Variants in ADAM23 observed in about 807,000 individuals in gnomAD.
ADAM23 encodes the protein ADAM metallopeptidase domain 23, also known as disintegrin and metalloproteinase domain-containing protein 23.
In ADAM23, 33 loss-of-function variants were observed where a neutral mutation model predicts 120.1. That is an observed-to-expected ratio of 0.27 (90% CI 0.21 to 0.37). The LOEUF (loss-of-function observed/expected upper bound fraction) is 0.37. ADAM23 is among the 10% of genes least tolerant of loss of function. The pLI is 1.00. For synonymous variants in ADAM23, 367 were observed against 375.2 expected (o/e 0.98, Z 0.25); for missense variants, 862 against 1,058.2 (o/e 0.81, Z 2.57).
chr2:206,477,897 A>AATATATATATATATATATATATATATAT (rs71034457), intron 2 of ADAM23, among the ~76,000 whole-genome samples: 7 of 93,562 alleles, frequency 7.5e-5, no homozygotes, highest in African/African-American at 1.5e-4. Flanking sequence ...AAAAAAAAAA[A>AATATATATATATATATATATATATATAT]ATATATATAT....
chr2:206,516,233 TAA>T (rs1192850018), intron 3 of ADAM23, among the ~76,000 whole-genome samples: 8 of 123,254 alleles, frequency 6.5e-5, no homozygotes, highest in Non-Finnish European at 8.6e-5. Flanking sequence ...GCATTTTTAT[TAA>T]AAAAAAAAAA....
intron 3 of ADAM23, among the ~76,000 whole-genome samples, chr2:206,510,306 ATAT>A (rs1696596238): frequency 6.6e-6 from 1 of 152,236 alleles, no homozygotes; most frequent in Admixed American, 6.5e-5. Context: ...ATAACAAAAC[ATAT>A]TACTTGCTAA....
intron 2 of ADAM23, among the ~76,000 whole-genome samples, chr2:206,468,772 A>G (rs1175921985): frequency 6.6e-6 from 1 of 152,232 alleles, no homozygotes; most frequent in Admixed American, 6.5e-5. Context: ...TTGCAATAAA[A>G]AAATACCTGA....
chr2:206,470,717 C>A (rs2105868389), intron 2 of ADAM23, among the ~76,000 whole-genome samples: 1 of 152,272 alleles, frequency 6.6e-6, no homozygotes. Flanking sequence ...GAAAGTTACT[C>A]TTTTCATCCA....
chr2:206,490,912 A>T (rs1036321747), intron 3 of ADAM23, among the ~76,000 whole-genome samples: 3 of 152,194 alleles, frequency 2.0e-5, no homozygotes, highest in African/African-American at 4.8e-5. Context: ...TTGAAAACAT[A>T]TACAATAAAA....
At chr2:206,544,135 C>A (rs1247113972) in intron 6 of ADAM23, among the ~76,000 whole-genome samples, 1 of 152,070 alleles carries the variant, frequency 6.6e-6, no homozygotes. Context: ...GAAAAAAAAA[C>A]AGCTTTCATT....
At chr2:206,460,197 C>T (rs1695387148) in intron 2 of ADAM23, among the ~76,000 whole-genome samples, 1 of 151,668 alleles carries the variant, frequency 6.6e-6, no homozygotes, top group Admixed American at 6.6e-5. Context: ...GCAGGAAGTG[C>T]TCTTTATGTT....
At chr2:206,581,963 T>A (rs898659440) in intron 18 of ADAM23, among the ~76,000 whole-genome samples, 4 of 151,976 alleles carry the variant, frequency 2.6e-5, no homozygotes, top group Admixed American at 2.6e-4. Flanking sequence ...CTGCAACCTC[T>A]GCCTCCCAGG....
Position 206,589,482 on chromosome 2 carries a change from G to C in ADAM23, c.1926G>C (p.Lys642Asn), listed in dbSNP as rs1289666441. The part of the protein sequence containing the change: ...TEGTEKGNCG[K>N]DGDRWIQCSK... Reference sequence around the variant, plus strand: ...GCACTGAGAAGGGAAACTGCGGGAAGGATGGAGACCGGTGGATTCAGTGCA... The same window carrying C: ...GCACTGAGAAGGGAAACTGCGGGAACGATGGAGACCGGTGGATTCAGTGCA... Residue 642 changes from lysine (K) to asparagine (N), a missense_variant, in exon 21 of 26, where the codon AAG (lysine) becomes AAC (asparagine). Lys to Asn is a moderately conservative substitution (Grantham distance 94). Coordinates refer to ENST00000264377, the MANE Select transcript of ADAM23 (RefSeq NM_003812.4). 1.9e-6 allele frequency: 3 copies of C among 1,613,834 alleles called. No individual in the cohort carries two copies. Among genetic ancestry groups the C allele is most frequent in the East Asian group, 4.5e-5 (2 of 44,864 alleles).
intron 2 of ADAM23, among the ~76,000 whole-genome samples, chr2:206,454,112 TCA>T (rs1326656300): frequency 6.6e-6 from 1 of 152,194 alleles, no homozygotes; most frequent in Non-Finnish European, 1.5e-5. Flanking sequence ...TAGTCCATTC[TCA>T]CACTGCTATA....
intron 3 of ADAM23, among the ~76,000 whole-genome samples, chr2:206,522,429 C>T (rs996426277): frequency 1.3e-5 from 2 of 151,738 alleles, no homozygotes; most frequent in African/African-American, 4.8e-5. Context: ...ACCATATAAA[C>T]AGATGTGCAG....
intron 15 of ADAM23, 147 bp from the exon 16 acceptor site, chr2:206,570,593 T>C (rs1231185889): frequency 3.3e-6 from 2 of 606,608 alleles, no homozygotes; most frequent in Non-Finnish European, 6.0e-6. Flanking sequence ...TCCCATACAG[T>C]CATCATTTAT....
intron 3 of ADAM23, among the ~76,000 whole-genome samples, chr2:206,499,315 A>G (rs1173234457): frequency 6.6e-6 from 1 of 152,024 alleles, no homozygotes; most frequent in African/African-American, 2.4e-5. Flanking sequence ...ATGCAGCCAT[A>G]AAAAAGGATG....
chr2:206,577,884 G>C (rs1040426273), intron 18 of ADAM23, among the ~76,000 whole-genome samples: 111 of 151,438 alleles, frequency 7.3e-4, no homozygotes, highest in African/African-American at 2.5e-3. Flanking sequence ...CACCAACAGT[G>C]TAAAAGTGTT....
intron 6 of ADAM23, 127 bp from the exon 7 acceptor site, chr2:206,547,302 G>A: frequency 6.3e-6 from 4 of 636,566 alleles, no homozygotes; most frequent in Non-Finnish European, 5.1e-6. Flanking sequence ...TTTCACTTTT[G>A]ATAGCTAAAA....
At chr2:206,540,811 T>TA (rs1358384040) in intron 4 of ADAM23, among the ~76,000 whole-genome samples, 3 of 151,960 alleles carry the variant, frequency 2.0e-5, no homozygotes, top group Admixed American at 6.6e-5. Flanking sequence ...TGGAGCCAGA[T>TA]AAGCAGATAG....
chr2:206,551,388 T>C (rs996778303), intron 9 of ADAM23, among the ~76,000 whole-genome samples: 5 of 152,346 alleles, frequency 3.3e-5, no homozygotes, highest in Admixed American at 1.3e-4. Flanking sequence ...GTTGTAGTTA[T>C]GTGATTGAAC....
At chr2:206,523,639 A>T (rs544910954) in intron 3 of ADAM23, among the ~76,000 whole-genome samples, 57 of 151,896 alleles carry the variant, frequency 3.8e-4, no homozygotes, top group African/African-American at 8.7e-4. Flanking sequence ...TTTTTTTTTT[A>T]AAACTTTAGA....
chr2:206,564,180 CTA>C (rs951026974), intron 13 of ADAM23, among the ~76,000 whole-genome samples: 5 of 151,768 alleles, frequency 3.3e-5, no homozygotes, highest in Admixed American at 6.6e-5. Flanking sequence ...ATACCTCTCT[CTA>C]TATATATACG....
Sources: gnomAD v4.1 joint callset for allele counts (sites outside exome capture counted in the v4.1 genomes callset) on GRCh38, gnomAD v4.1.1 for gene constraint, MANE v1.5 for transcripts, NCBI Gene and HGNC (gene_info 2026-07-23, HGNC 2026-07-21) for gene names.